The following CRK variants were observed in gnomAD, a reference collection of about 807,000 sequenced individuals.
CRK encodes CRK proto-oncogene, adaptor protein, also known as adapter molecule crk.
A neutral mutation model predicts 29.8 loss-of-function variants in CRK; 4 were observed. The ratio of observed to expected loss-of-function variants is 0.13; its 90% confidence interval spans 0.07 to 0.31. The LOEUF (loss-of-function observed/expected upper bound fraction) is 0.31. CRK is among the 10% of genes least tolerant of loss of function. The pLI, the probability that CRK is intolerant of heterozygous loss-of-function variation, is 1.00. For missense variants in CRK, 274 were observed against 396.5 expected (o/e 0.69, Z 2.62); for synonymous variants, 153 against 164.9 (o/e 0.93, Z 0.55).
intron 1 of CRK, among the ~76,000 whole-genome samples, chr17:1,445,145 CAA>C (rs35590167): frequency 0.48 from 67,848 of 140,396 alleles, 15,908 homozygotes; most frequent in Non-Finnish European, 0.55. Context: ...GAGACACCGT[CAA>C]AAAAAAAAAA....
chr17:1,430,931 G>A (rs1434731001), intron 2 of CRK, among the ~76,000 whole-genome samples: 3 of 151,762 alleles, frequency 2.0e-5, no homozygotes, highest in Admixed American at 1.3e-4. Flanking sequence ...AACCGGGCGT[G>A]GTAGCAGGCG....
Position 1,420,830 on chromosome 17 carries a change from T to TA in CRK, c.*2682dup, listed in dbSNP as rs2073717035. ...GTCAAGAAAGTGTATAGTGTTATAA[T>TA]ACAATGGCACATGTTTATATTTTAT... On this transcript the variant is annotated 3_prime_UTR_variant, in exon 3 of 3. Transcript: ENST00000300574. 6.6e-6 allele frequency: 1 copy of TA among 152,178 alleles called. No individual in the cohort carries two copies. The highest frequency in any genetic ancestry group is 1.5e-5 in the Non-Finnish European group (1 of 68,038). 9.4% of individuals were successfully genotyped at this position (152,178 alleles called of 1,614,324 possible). A position where few individuals can be genotyped will look rare whatever the true frequency, so the allele number is the denominator to read the frequency against.
chr17:1,454,996 G>A (rs2074045193), intron 1 of CRK, among the ~76,000 whole-genome samples: 1 of 152,196 alleles, frequency 6.6e-6, no homozygotes, highest in Non-Finnish European at 1.5e-5. Context: ...ATCTTACTGA[G>A]CAAGGTGACG....
rs563856294 is a variant in CRK, at chr17:1,422,545, C to A, written c.*968G>T. On this transcript the variant is annotated 3_prime_UTR_variant, in exon 3 of 3. Coordinates refer to ENST00000300574, the MANE Select transcript of CRK (RefSeq NM_016823.4). Reference sequence around the variant, plus strand: ...ACTTTTATACAAGTTGCACAGAATGCAGAGGGCAGAATTTGACCCCAAAAC... The same window carrying A: ...ACTTTTATACAAGTTGCACAGAATGAAGAGGGCAGAATTTGACCCCAAAAC... The A allele has an allele frequency of 5.8e-6, 1 of 171,896 alleles. No homozygotes were observed. The highest frequency in any genetic ancestry group is 1.6e-4 in the East Asian group (1 of 6,112). The allele number at this position is 171,896 out of a possible 1,614,324, so 10.6% of individuals were successfully genotyped here.
chr17:1,432,419 G>A (rs913940214), intron 2 of CRK, among the ~76,000 whole-genome samples: 1 of 145,470 alleles, frequency 6.9e-6, no homozygotes, highest in African/African-American at 2.6e-5. Context: ...AACCCAGGAG[G>A]CAGAGTGAGA....
At chr17:1,444,471 G>C (rs2073958156) in intron 1 of CRK, among the ~76,000 whole-genome samples, 1 of 151,978 alleles carries the variant, frequency 6.6e-6, no homozygotes, top group Admixed American at 6.6e-5. Flanking sequence ...CCTGCAGTGA[G>C]TCAAGACTGC....
At chr17:1,455,111 G>C (rs1294007576) in intron 1 of CRK, among the ~76,000 whole-genome samples, 1 of 152,112 alleles carries the variant, frequency 6.6e-6, no homozygotes, top group East Asian at 1.9e-4. Flanking sequence ...TTATTTTGTG[G>C]AATAAAATGT....
chr17:1,436,577 C>A (rs1287601496), intron 2 of CRK, 43 bp downstream of exon 2: 17 of 1,549,064 alleles, frequency 1.1e-5, no homozygotes, highest in Non-Finnish European at 1.3e-5. Flanking sequence ...GAGAGGAGAC[C>A]CTGCAGCAGA....
At chr17:1,429,713 G>A (rs1350874006) in intron 2 of CRK, among the ~76,000 whole-genome samples, 1 of 151,852 alleles carries the variant, frequency 6.6e-6, no homozygotes, top group East Asian at 1.9e-4. Flanking sequence ...AAGATTGCCT[G>A]AAGCCAGGAG....
Position 1,423,323 on chromosome 17 carries a change from T to C in CRK, c.*190A>G. 1 of 719,158 alleles carries C rather than the reference T, an allele frequency of 1.4e-6. No individual in the cohort carries two copies. The highest frequency in any genetic ancestry group is 2.2e-6 in the Non-Finnish European group (1 of 456,916). 44.5% of individuals were successfully genotyped at this position (719,158 alleles called of 1,614,324 possible). Reference sequence around the variant, plus strand: ...AATTCAGAAGCTAACACACAAGCCCTCCAGTTCGTACCCTGAATATGGTAA... The same window carrying C: ...AATTCAGAAGCTAACACACAAGCCCCCCAGTTCGTACCCTGAATATGGTAA... On this transcript the variant is annotated 3_prime_UTR_variant, in exon 3 of 3. Coordinates refer to ENST00000300574, the MANE Select transcript of CRK (RefSeq NM_016823.4).
intron 1 of CRK, 55 bp from the exon 2 acceptor site, chr17:1,437,210 T>C: frequency 2.7e-6 from 4 of 1,500,780 alleles, no homozygotes; most frequent in East Asian, 2.3e-5. Context: ...GGAAATGAAA[T>C]GCAGATTTTA....
chr17:1,444,841 A>G (rs1338866283), intron 1 of CRK, among the ~76,000 whole-genome samples: 1 of 145,682 alleles, frequency 6.9e-6, no homozygotes, highest in Non-Finnish European at 1.5e-5. Context: ...CTCAAAAGAA[A>G]AAAAAAAAAA....
At chr17:1,448,394 C>T (rs1220833746) in intron 1 of CRK, among the ~76,000 whole-genome samples, 1 of 151,834 alleles carries the variant, frequency 6.6e-6, no homozygotes, top group South Asian at 2.1e-4. Flanking sequence ...GGTGGCAGAG[C>T]CAGGCAAATC....
intron 1 of CRK, among the ~76,000 whole-genome samples, chr17:1,449,039 C>T (rs778245040): frequency 4.6e-5 from 7 of 152,160 alleles, no homozygotes; most frequent in Admixed American, 1.3e-4. Context: ...ACGCTACCTC[C>T]AGAAGTGGCT....
intron 1 of CRK, among the ~76,000 whole-genome samples, chr17:1,442,443 C>A (rs948996693): frequency 4.6e-5 from 7 of 151,672 alleles, no homozygotes; most frequent in African/African-American, 1.7e-4. Flanking sequence ...TGCACCACTG[C>A]AGTACTGAGA....
Position 1,436,760 on chromosome 17 carries a change from G to A in CRK, c.637C>T (p.Leu213=). The change falls in exon 2 of 3, where the codon CTG becomes TTG. Residue 213 remains leucine (L), a synonymous_variant. Transcript: ENST00000300574. Reference sequence around the variant, plus strand: ...TAGGGCCCAGGCTCCGGCCCACCCAGTGGCTGTGGGTGGGAACCCTCCTGG... The same window carrying A: ...TAGGGCCCAGGCTCCGGCCCACCCAATGGCTGTGGGTGGGAACCCTCCTGG... ...GNQEGSHPQP[L]GGPEPGPYAQ... 2 of 1,587,976 alleles carry A rather than the reference G, an allele frequency of 1.3e-6. No homozygotes were observed. The highest frequency in any genetic ancestry group is 2.3e-5 in the South Asian group (2 of 86,324).
intron 2 of CRK, among the ~76,000 whole-genome samples, chr17:1,427,429 TAAA>T (rs941724469): frequency 6.6e-6 from 1 of 150,674 alleles, no homozygotes; most frequent in Admixed American, 6.6e-5. Flanking sequence ...CCGTCTCTAC[TAAA>T]AATACAAAAA....
chr17:1,449,452 T>C (rs575336612), intron 1 of CRK, among the ~76,000 whole-genome samples: 1 of 152,182 alleles, frequency 6.6e-6, no homozygotes, highest in Non-Finnish European at 1.5e-5. Flanking sequence ...CAGTACTGAA[T>C]ATGGAGTATC....
In CRK at chr17:1,425,101, T is replaced by G. The variant is rs529496160; in HGVS notation, c.778-1451A>C. On this transcript the variant is annotated intron_variant, in intron 2 of 2. Coordinates refer to ENST00000300574, the MANE Select transcript of CRK (RefSeq NM_016823.4). ...GAAATATAAAGGTTTTTTTTGTTTGTTTTTTTAAGACAGAGTCTCGATCTG... is the reference window on the plus strand; with the variant it reads ...GAAATATAAAGGTTTTTTTTGTTTGGTTTTTTAAGACAGAGTCTCGATCTG... Among the ~76,000 whole-genome samples, 6 of 152,036 alleles carry G rather than the reference T, an allele frequency of 3.9e-5. No homozygotes were observed. In the South Asian group the frequency reaches 1.2e-3, roughly 32 times the overall value.
Sources: allele counts gnomAD v4.1 joint callset (sites outside exome capture counted in the v4.1 genomes callset), GRCh38; gene constraint gnomAD v4.1.1; transcripts MANE v1.5; gene names NCBI Gene and HGNC (gene_info 2026-07-23, HGNC 2026-07-21).